The following KRT36 variants were observed in gnomAD, a reference collection of about 807,000 sequenced individuals.
KRT36 encodes keratin, type I cuticular Ha6.
KRT36 carries 41 observed loss-of-function variants against 43.0 expected under a neutral mutation model. That is an observed-to-expected ratio of 0.95 (90% CI 0.74 to 1.24). The LOEUF (loss-of-function observed/expected upper bound fraction) is 1.24, where lower values mean the gene tolerates loss of function less well. Among genes scored for constraint, KRT36 ranks in the 50% most tolerant of loss-of-function variants. KRT36 has a pLI of 0.00. For synonymous variants in KRT36, 277 were observed against 252.9 expected, an observed-to-expected ratio of 1.10 and a Z score of -0.90; for missense variants, 627 against 595.3, an observed-to-expected ratio of 1.05 and a Z score of -0.55.
chr17:41,488,145 C>T, intron 3 of KRT36, 98 bp downstream of exon 3: 3 of 1,121,128 alleles, frequency 2.7e-6, no homozygotes, highest in South Asian at 1.5e-5. Context: ...AAATGCAAGG[C>T]CTTTGTATAG....
chr17:41,489,540 C>T lies in KRT36; in HGVS notation c.325G>A (p.Glu109Lys), dbSNP rs771881104. 1.8e-5 allele frequency: 29 copies of T among 1,614,052 alleles called. No individual in the cohort carries two copies. The highest frequency in any genetic ancestry group is 2.4e-5 in the Non-Finnish European group (28 of 1,180,044). Residue 109 changes from glutamate (E) to lysine (K), a missense_variant, in exon 1 of 7, where the codon GAG (glutamate) becomes AAG (lysine). Physicochemically the swap from Glu to Lys is moderately conservative, Grantham distance 56. Coordinates refer to ENST00000328119, the MANE Select transcript of KRT36 (RefSeq NM_003771.5). ...FLNDRLANYL[E>K]KVRQLERENA... ...TCCCGCTCCAGCTGACGCACCTTCT[C>T]CAGGTAGTTGGCCAGGCGGTCGTTC...
At position 41,489,485 on chromosome 17, in the gene KRT36, T is replaced by C; in HGVS notation, c.380A>G (p.Glu127Gly). The C allele has an allele frequency of 6.2e-7, 1 of 1,614,208 alleles. No homozygotes were observed. Among genetic ancestry groups the C allele is most frequent in the Non-Finnish European group, 8.5e-7 (1 of 1,180,030 alleles). The change falls in exon 1 of 7, where the codon GAG (glutamate) becomes GGG (glycine). Residue 127 changes from glutamate to glycine, a missense_variant. Physicochemically the swap from Glu to Gly is moderately conservative, Grantham distance 98. Transcript: ENST00000328119. ...ENAELESRIQ[E>G]WYEFQIPYIC... ...GTATGGGATCTGAAACTCGTACCAC[T>C]CCTGGATGCGGCTCTCCAGCTCCGC...
chr17:41,487,694 A>G lies in KRT36; in HGVS notation c.743T>C (p.Val248Ala). 6.2e-7 allele frequency: 1 copy of G among 1,613,990 alleles called. No homozygotes were observed. The highest frequency in any genetic ancestry group is 1.1e-5 in the South Asian group (1 of 91,078). ...LRCQLGDRLN[V>A]EVDAAPPVDL... ...CACTGGGGGAGCAGCGTCCACCTCCACATTCAGTCGGTCCCCAAGTTGGCA... is the reference window on the plus strand; with the variant it reads ...CACTGGGGGAGCAGCGTCCACCTCCGCATTCAGTCGGTCCCCAAGTTGGCA... Residue 248 changes from valine (V) to alanine (A), a missense_variant, in exon 4 of 7, where the codon GTG (valine) becomes GCG (alanine). Val to Ala is a moderately conservative substitution (Grantham distance 64). Coordinates refer to ENST00000328119, the MANE Select transcript of KRT36 (RefSeq NM_003771.5).
chr17:41,488,559 A>T, intron 2 of KRT36, 83 bp downstream of exon 2: 2 of 1,526,352 alleles, frequency 1.3e-6, no homozygotes, highest in Middle Eastern at 1.7e-4. Context: ...ATCCAGCCTT[A>T]TTCCCACATC....
chr17:41,488,883 C>A (rs1904484006), intron 1 of KRT36, among the ~76,000 whole-genome samples, 159 bp from the exon 2 acceptor site: 1 of 152,146 alleles, frequency 6.6e-6, no homozygotes, highest in Non-Finnish European at 1.5e-5. Flanking sequence ...GGAGCATCCA[C>A]CCCACAGGGG....
At position 41,486,549 on chromosome 17, in the gene KRT36, T is replaced by G. The variant is rs745609511; in HGVS notation, c.1231A>C (p.Thr411Pro). 1.3e-6 allele frequency: 2 copies of G among 1,588,042 alleles called. No homozygotes were observed. The highest frequency in any genetic ancestry group is 1.7e-6 in the Non-Finnish European group (2 of 1,167,742). ...ACTCTAATAACAGGCTTGCATGCCG[T>G]GGCACAAGGTTGGGGAGGAAGCCTG... Reference protein sequence around the residue: ...DCKLPPQPCATACKPVIRVPS... With the variant: ...DCKLPPQPCAPACKPVIRVPS... The change falls in exon 7 of 7, where the codon ACG (threonine) becomes CCG (proline). Residue 411 changes from threonine (T) to proline (P), a missense_variant. By Grantham distance (38) the Thr-to-Pro change is conservative. Transcript: ENST00000328119.
chr17:41,489,813 G>A lies in KRT36; in HGVS notation c.52C>T (p.Leu18Phe), dbSNP rs747368762. 3 of 1,613,744 alleles carry A rather than the reference G, an allele frequency of 1.9e-6. No individual in the cohort carries two copies. The highest frequency in any genetic ancestry group is 2.2e-5 in the East Asian group (1 of 44,860). ...GAGATGCCGCCTGCTGTGCCACAGA[G>A]GCCCTTGATAGACCCAGTGGAGAAG... ...PTFSTGSIKG[L>F]CGTAGGISRV... Residue 18 changes from leucine to phenylalanine, a missense_variant, in exon 1 of 7, where the codon CTC becomes TTC. Physicochemically the swap from Leu to Phe is conservative, Grantham distance 22 (BLOSUM62 0). Coordinates refer to ENST00000328119, the MANE Select transcript of KRT36 (RefSeq NM_003771.5).
chr17:41,486,684 G>A lies in KRT36; in HGVS notation c.1209-113C>T, dbSNP rs1447637259. 5.9e-6 allele frequency: 5 copies of A among 853,460 alleles called. No individual in the cohort carries two copies. The African/African-American group carries it at 8.6e-5, about 15-fold the overall frequency. The allele number at this position is 853,460 out of a possible 1,614,324, so 52.9% of individuals were successfully genotyped here. ...ACCGGTGGCCCCGGATCATCTCAGT[G>A]CCTCTGAATTCCCCAAGGGTGAGAG... On this transcript the variant is annotated intron_variant, in intron 6 of 6. Coordinates refer to ENST00000328119, the MANE Select transcript of KRT36 (RefSeq NM_003771.5).
Position 41,486,197 on chromosome 17 carries a change from G to A in KRT36, c.*179C>T. On this transcript the variant is annotated 3_prime_UTR_variant, in exon 7 of 7. Transcript: ENST00000328119. ...GTAAATTTCCAGGAAACCTGGTTTT[G>A]CATGGCGTAAAAGCACAGTTAAGTC... The A allele has an allele frequency of 1.7e-6, 1 of 580,312 alleles. No individual in the cohort carries two copies. Among genetic ancestry groups the A allele is most frequent in the East Asian group, 3.0e-5 (1 of 33,166 alleles). The allele number at this position is 580,312 out of a possible 1,614,324, so 35.9% of individuals were successfully genotyped here.
chr17:41,487,073 A>C lies in KRT36; in HGVS notation c.1085T>G (p.Leu362Arg), dbSNP rs1202101155. ...QCLISNVEAQ[L>R]SEIRCDLERQ... The stretch of plus-strand genomic sequence containing the variant: ...CTCCAGGTCGCAGCGGATCTCAGAC[A>C]GCTGGGCCTCCACGTTGCTGATCAG... The change falls in exon 6 of 7, where the codon CTG becomes CGG. Residue 362 changes from leucine to arginine, a missense_variant. Transcript: ENST00000328119. 1.2e-6 allele frequency: 2 copies of C among 1,614,088 alleles called. No individual in the cohort carries two copies. Among genetic ancestry groups the C allele is most frequent in the East Asian group, 4.5e-5 (2 of 44,896 alleles).
chr17:41,489,518 C>A lies in KRT36; in HGVS notation c.347G>T (p.Arg116Leu), dbSNP rs749916148. The A allele has an allele frequency of 6.2e-7, 1 of 1,614,106 alleles. No individual in the cohort carries two copies. Among genetic ancestry groups the A allele is most frequent in the East Asian group, 2.2e-5 (1 of 44,894 alleles). ...GCGGCTCTCCAGCTCCGCGTTCTCC[C>A]GCTCCAGCTGACGCACCTTCTCCAG... ...NYLEKVRQLE[R>L]ENAELESRIQ... The change falls in exon 1 of 7, where the codon CGG (arginine) becomes CTG (leucine). Residue 116 changes from arginine to leucine, a missense_variant. Coordinates refer to ENST00000328119, the MANE Select transcript of KRT36 (RefSeq NM_003771.5).
Position 41,487,381 on chromosome 17 carries a change from T to C in KRT36, c.957A>G (p.Leu319=). ...TGTGCTGAGCCTGCAGCTCAATCTC[T>C]AGCGCGTTGACCGTACGTCTCAGCT... ...IIELRRTVNA[L]EIELQAQHSM... Residue 319 remains leucine (L), a synonymous_variant, in exon 5 of 7, where the codon CTA becomes CTG. Transcript: ENST00000328119. The C allele has an allele frequency of 6.2e-7, 1 of 1,612,890 alleles. No homozygotes were observed. Among genetic ancestry groups the C allele is most frequent in the Non-Finnish European group, 8.5e-7 (1 of 1,179,824 alleles).
chr17:41,488,555 C>A, intron 2 of KRT36, 87 bp downstream of exon 2: 1 of 1,524,996 alleles, frequency 6.6e-7, no homozygotes, highest in Non-Finnish European at 9.1e-7. Context: ...TCCCATCCAG[C>A]CTTATTCCCA....
At chr17:41,486,796 G>T (rs1191133715) in intron 6 of KRT36, among the ~76,000 whole-genome samples, 154 bp downstream of exon 6, 1 of 152,160 alleles carries the variant, frequency 6.6e-6, no homozygotes, top group Non-Finnish European at 1.5e-5. Flanking sequence ...GGATTCTCCC[G>T]CTGTGCATTA....
At chr17:41,488,991 C>T (rs1904487603) in intron 1 of KRT36, among the ~76,000 whole-genome samples, 1 of 152,230 alleles carries the variant, frequency 6.6e-6, no homozygotes, top group Non-Finnish European at 1.5e-5. Flanking sequence ...AGTTCAGGTT[C>T]TGCATCTAAC....
chr17:41,488,363 C>T lies in KRT36; in HGVS notation c.579G>A (p.Glu193=). 6.2e-7 allele frequency: 1 copy of T among 1,614,188 alleles called. No individual in the cohort carries two copies. Among genetic ancestry groups the T allele is most frequent in the Admixed American group, 1.7e-5 (1 of 60,024 alleles). The change falls in exon 3 of 7, where the codon GAG becomes GAA. Residue 193 remains glutamate, a synonymous_variant. Coordinates refer to ENST00000328119, the MANE Select transcript of KRT36 (RefSeq NM_003771.5). ...ETELSLRQLV[E]ADINGLRRIL... is the part of the protein sequence containing the mutation. Reference sequence around the variant, plus strand: ...TCCTACGCAGGCCGTTGATGTCGGCCTCCACTAGCTGCCGCAGAGACAGCT... The same window carrying T: ...TCCTACGCAGGCCGTTGATGTCGGCTTCCACTAGCTGCCGCAGAGACAGCT...
chr17:41,488,574 G>A (rs575732411), intron 2 of KRT36, 68 bp downstream of exon 2: 1 of 1,535,814 alleles, frequency 6.5e-7, no homozygotes, highest in South Asian at 1.1e-5. Context: ...CACATCACCA[G>A]CTCCCAAAGG....
chr17:41,488,111 TA>T, intron 3 of KRT36, 131 bp downstream of exon 3: 1 of 908,416 alleles, frequency 1.1e-6, no homozygotes, highest in Non-Finnish European at 1.7e-6. Context: ...GGGATTATTG[TA>T]AGGATGAAAT....
chr17:41,487,786 T>C, intron 3 of KRT36, 49 bp from the exon 4 acceptor site: 1 of 1,562,920 alleles, frequency 6.4e-7, no homozygotes, highest in Non-Finnish European at 8.7e-7. Context: ...AGATGCTGGA[T>C]TGCAGGTTTC....
Sources: gnomAD v4.1 joint callset for allele counts (sites outside exome capture counted in the v4.1 genomes callset) on GRCh38, gnomAD v4.1.1 for gene constraint, MANE v1.5 for transcripts, NCBI Gene and HGNC (gene_info 2026-07-23, HGNC 2026-07-21) for gene names.